PCSK5: variants seen among roughly 807,000 people sequenced by gnomAD.
PCSK5 encodes the protein proprotein convertase subtilisin/kexin type 5.
In PCSK5, 129 loss-of-function variants were observed where a neutral mutation model predicts 233.2. The ratio of observed to expected loss-of-function variants is 0.55; its 90% CI spans 0.48 to 0.64. The LOEUF is 0.64. PCSK5 is among the 30% of genes least tolerant of loss of function. The probability of loss-of-function intolerance (pLI) is 0.00; values close to 1 mark genes in which losing one functional copy is unlikely to be tolerated. For missense variants in PCSK5, 2,076 were observed against 2,430.1 expected (o/e 0.85, Z 3.06); for synonymous variants, 825 against 879.2 (o/e 0.94, Z 1.09).
At chr9:76,100,125 G>A (rs1831695045) in intron 8 of PCSK5, among the ~76,000 whole-genome samples, 3 of 152,120 alleles carry the variant, frequency 2.0e-5, no homozygotes, top group South Asian at 4.1e-4. Flanking sequence ...TGTGGACCTC[G>A]GTATTGCATT....
Position 76,044,965 on chromosome 9 carries a change from C to G in PCSK5, c.632+17928C>G, listed in dbSNP as rs554398279. On this transcript the variant is annotated intron_variant, in intron 5 of 37. Transcript: ENST00000674117. Reference sequence around the variant, plus strand: ...TGGTAGAGTTCCAAAAAATTGAATACTCCTCCAAATCTTCTCGCAAAAACA... The same window carrying G: ...TGGTAGAGTTCCAAAAAATTGAATAGTCCTCCAAATCTTCTCGCAAAAACA... 2.0e-5 allele frequency among the ~76,000 whole-genome samples: 3 copies of G among 152,240 alleles called. No homozygotes were observed. In the South Asian group the frequency reaches 6.2e-4, roughly 32 times the overall value.
intron 20 of PCSK5, among the ~76,000 whole-genome samples, chr9:76,205,556 C>A (rs1372289827): frequency 1.3e-5 from 2 of 152,182 alleles, no homozygotes; most frequent in Admixed American, 6.5e-5. Context: ...GGGCTTCCAT[C>A]ACTGAAGTTC....
At position 76,096,375 on chromosome 9, in the gene PCSK5, C is replaced by T. The variant is rs141241506; in HGVS notation, c.1107+273C>T. On this transcript the variant is annotated intron_variant, in intron 8 of 37. Transcript: ENST00000674117. ...TTATTGAGGATAAATGATTGGTTCA[C>T]GTTCACATTGTGAGTTAGTGGCAGA... Among the ~76,000 whole-genome samples, 1,511 of 152,244 alleles carry T rather than the reference C, an allele frequency of 9.9e-3. 21 individuals carry two copies. Among genetic ancestry groups the T allele is most frequent in the African/African-American group, 0.034 (1,425 of 41,538 alleles).
chr9:76,266,927 GA>G (rs943597712), intron 24 of PCSK5, among the ~76,000 whole-genome samples: 1 of 151,906 alleles, frequency 6.6e-6, no homozygotes, highest in African/African-American at 2.4e-5. Flanking sequence ...TGTAAACCTG[GA>G]AAAAAAATAG....
At chr9:76,286,400 C>A (rs1192395460) in intron 24 of PCSK5, 1 of 152,256 alleles carries the variant, frequency 6.6e-6, no homozygotes, top group Non-Finnish European at 1.5e-5. Flanking sequence ...ACCATGGAAA[C>A]CACAAAGGAA....
At chr9:76,323,475 C>A (rs1829271015) in intron 32 of PCSK5, among the ~76,000 whole-genome samples, 187 bp downstream of exon 32, 2 of 152,162 alleles carry the variant, frequency 1.3e-5, no homozygotes, top group African/African-American at 4.8e-5. Flanking sequence ...CCTCCGCCTC[C>A]TGGGCTCAAG....
At chr9:75,962,036 G>A (rs1462164452) in intron 2 of PCSK5, among the ~76,000 whole-genome samples, 1 of 152,130 alleles carries the variant, frequency 6.6e-6, no homozygotes, top group East Asian at 1.9e-4. Context: ...TGCGGGTATG[G>A]AAAATAAACA....
At chr9:76,178,604 T>C (rs1295006143) in intron 14 of PCSK5, among the ~76,000 whole-genome samples, 3 of 152,216 alleles carry the variant, frequency 2.0e-5, no homozygotes, top group Non-Finnish European at 4.4e-5. Flanking sequence ...AGTCCCATAA[T>C]GACTCAAAGA....
At chr9:76,248,187 C>T (rs1826681285) in intron 24 of PCSK5, among the ~76,000 whole-genome samples, 1 of 152,160 alleles carries the variant, frequency 6.6e-6, no homozygotes, top group Non-Finnish European at 1.5e-5. Context: ...ATTTCGGCCT[C>T]ACAAAGTGCT....
At chr9:76,167,504 G>C (rs1587709083) in intron 12 of PCSK5, among the ~76,000 whole-genome samples, 1 of 152,098 alleles carries the variant, frequency 6.6e-6, no homozygotes, top group East Asian at 1.9e-4. Context: ...TGATTTTCCT[G>C]TTTATTGCTT....
At chr9:76,239,554 G>C (rs1826363601) in intron 23 of PCSK5, among the ~76,000 whole-genome samples, 1 of 151,872 alleles carries the variant, frequency 6.6e-6, no homozygotes, top group African/African-American at 2.4e-5. Context: ...AAATTAGCCA[G>C]GCTTGGTGTT....
chr9:76,090,174 G>T (rs1831227714), intron 7 of PCSK5, among the ~76,000 whole-genome samples: 1 of 151,884 alleles, frequency 6.6e-6, no homozygotes, highest in African/African-American at 2.4e-5. Context: ...CACACTTTAG[G>T]AAAATATATG....
At chr9:76,212,275 C>A (rs1011378829) in intron 20 of PCSK5, among the ~76,000 whole-genome samples, 3 of 152,138 alleles carry the variant, frequency 2.0e-5, no homozygotes, top group African/African-American at 7.2e-5. Flanking sequence ...CTCCTGATTG[C>A]TTATGGCATG....
At position 76,238,363 on chromosome 9, in the gene PCSK5, C is replaced by T. The variant is rs542500327; in HGVS notation, c.2867-596C>T. 7.2e-5 allele frequency among the ~76,000 whole-genome samples: 11 copies of T among 152,288 alleles called. No individual in the cohort carries two copies. In the South Asian group the frequency reaches 8.3e-4, roughly 11 times the overall value. On this transcript the variant is annotated intron_variant, in intron 22 of 37. Transcript: ENST00000674117. ...TATAGAATCCAATGTTGACAAAAGTCAGGAACCCTCAGGAATGCACGTAAA... is the reference window on the plus strand; with the variant it reads ...TATAGAATCCAATGTTGACAAAAGTTAGGAACCCTCAGGAATGCACGTAAA...
chr9:75,921,304 C>A (rs564678981), intron 1 of PCSK5, among the ~76,000 whole-genome samples: 2 of 152,222 alleles, frequency 1.3e-5, no homozygotes, highest in Admixed American at 6.5e-5. Flanking sequence ...ATTGGTCCTT[C>A]GGCATTAGTA....
chr9:75,906,124 G>T (rs914261919), intron 1 of PCSK5, among the ~76,000 whole-genome samples: 1 of 152,184 alleles, frequency 6.6e-6, no homozygotes, highest in Non-Finnish European at 1.5e-5. Flanking sequence ...ATTATGATAG[G>T]TGATGTTGGA....
chr9:76,040,288 A>C (rs1194101648), intron 5 of PCSK5, among the ~76,000 whole-genome samples: 3 of 151,102 alleles, frequency 2.0e-5, no homozygotes, highest in African/African-American at 4.9e-5. Context: ...TAAGAGCATA[A>C]GCCAAGTAAG....
intron 20 of PCSK5, chr9:76,205,310 A>G: frequency 1.9e-6 from 1 of 515,862 alleles, no homozygotes; most frequent in Non-Finnish European, 3.9e-6. Context: ...TGCTGTTCCC[A>G]CACAGAACAC....
At chr9:76,283,318 C>T (rs1056871792) in intron 24 of PCSK5, among the ~76,000 whole-genome samples, 2 of 152,136 alleles carry the variant, frequency 1.3e-5, no homozygotes, top group African/African-American at 4.8e-5. Flanking sequence ...TGGTAAACTT[C>T]ATTGTTTCAA....
Sources: allele counts gnomAD v4.1 joint callset (sites outside exome capture counted in the v4.1 genomes callset), GRCh38; gene constraint gnomAD v4.1.1; transcripts MANE v1.5; gene names NCBI Gene and HGNC (gene_info 2026-07-23, HGNC 2026-07-21).